The following CA10 variants were observed in gnomAD, a reference collection of about 807,000 sequenced individuals.
The protein encoded by CA10 is carbonic anhydrase 10 (inactive), also known as carbonic anhydrase-related protein 10.
Under a neutral mutation model 44.2 loss-of-function variants are expected in CA10, and 14 were observed. The ratio of observed to expected loss-of-function variants is 0.32; its 90% confidence interval spans 0.21 to 0.50. The LOEUF (loss-of-function observed/expected upper bound fraction) is 0.50, where lower values mean the gene tolerates loss of function less well. CA10 is among the 20% of genes least tolerant of loss of function. The pLI, the probability that CA10 is intolerant of heterozygous loss-of-function variation, is 0.99. For synonymous variants in CA10, 159 were observed against 141.6 expected (o/e 1.12, Z -0.87); for missense variants, 350 against 409.7 (o/e 0.85, Z 1.26).
In CA10 at chr17:51,655,059, C is replaced by T. The variant is rs1234628600; in HGVS notation, c.466-1323G>A. ...TAATAAATTCCCTAGTCCACAGTAACTGTTAAAAAAACAGAAAGGGATGAT... is the reference window on the plus strand; with the variant it reads ...TAATAAATTCCCTAGTCCACAGTAATTGTTAAAAAAACAGAAAGGGATGAT... On this transcript the variant is annotated intron_variant, in intron 4 of 8. Transcript: ENST00000451037. Among the ~76,000 whole-genome samples, 5 of 151,992 alleles carry T rather than the reference C, an allele frequency of 3.3e-5. No individual in the cohort carries two copies. In the South Asian group the frequency reaches 6.2e-4, roughly 19 times the overall value.
At chr17:51,975,408 G>C (rs1230710981) in intron 2 of CA10, among the ~76,000 whole-genome samples, 1 of 152,212 alleles carries the variant, frequency 6.6e-6, no homozygotes, top group African/African-American at 2.4e-5. Flanking sequence ...GCTGGGCGAA[G>C]TGACTCACGC....
intron 1 of CA10, among the ~76,000 whole-genome samples, chr17:52,150,213 T>A (rs1001354381): frequency 6.6e-6 from 1 of 152,146 alleles, no homozygotes; most frequent in Non-Finnish European, 1.5e-5. Flanking sequence ...CCACGACAAC[T>A]CTTTAACATC....
intron 3 of CA10, among the ~76,000 whole-genome samples, chr17:51,802,917 G>A (rs982240389): frequency 2.6e-5 from 4 of 152,176 alleles, no homozygotes; most frequent in Non-Finnish European, 5.9e-5. Context: ...TTTCCCAGAA[G>A]TAATAAAACA....
chr17:52,137,419 A>G (rs1220973644), intron 1 of CA10, among the ~76,000 whole-genome samples: 2 of 152,260 alleles, frequency 1.3e-5, no homozygotes, highest in African/African-American at 4.8e-5. Flanking sequence ...TATTCATTTC[A>G]GCATAATGCT....
intron 3 of CA10, among the ~76,000 whole-genome samples, chr17:51,793,944 G>A (rs868633256): frequency 3.3e-5 from 5 of 152,180 alleles, no homozygotes; most frequent in Middle Eastern, 3.2e-3. Context: ...GCTTTTCAGA[G>A]TCCTTTTCTC....
intron 2 of CA10, among the ~76,000 whole-genome samples, chr17:51,936,796 G>A (rs1273116237): frequency 3.3e-5 from 5 of 152,126 alleles, no homozygotes; most frequent in South Asian, 2.1e-4. Context: ...GAGCAAGCTC[G>A]ACTATCCTTG....
At chr17:51,633,378 C>G in intron 8 of CA10, 98 bp downstream of exon 8, 1 of 1,159,928 alleles carries the variant, frequency 8.6e-7, no homozygotes, top group East Asian at 2.4e-5. Context: ...AGTCATCATT[C>G]CTATAATGGA....
intron 2 of CA10, among the ~76,000 whole-genome samples, chr17:52,021,347 A>C (rs534116713): frequency 1.4e-4 from 22 of 152,196 alleles, no homozygotes; most frequent in African/African-American, 5.3e-4. Context: ...TGCTTGGTTG[A>C]ATAGTAGTTC....
chr17:51,851,358 CACAA>C (rs1410711050), intron 3 of CA10, among the ~76,000 whole-genome samples: 1 of 152,178 alleles, frequency 6.6e-6, no homozygotes, highest in East Asian at 1.9e-4. Context: ...AGAAAGAAGG[CACAA>C]ACAGAGCCAG....
chr17:51,800,300 A>G (rs985863243), intron 3 of CA10, among the ~76,000 whole-genome samples: 1 of 152,226 alleles, frequency 6.6e-6, no homozygotes, highest in African/African-American at 2.4e-5. Context: ...TAGGCAATCT[A>G]TAGAGCTAGA....
intron 4 of CA10, among the ~76,000 whole-genome samples, chr17:51,667,479 AG>A (rs1403053191): frequency 1.3e-5 from 2 of 151,784 alleles, no homozygotes; most frequent in East Asian, 3.9e-4. Flanking sequence ...GCCCAGATGG[AG>A]GGCTGTGGCT....
rs371573511 is a variant in CA10 at position 51,665,063 on chromosome 17, G to A, written c.466-11327C>T. ...AGAAGAGTCACTTTAGGTGGCTACT[G>A]TCCTAACTGATATATTCATGGAAAA... is the stretch of plus-strand genomic sequence containing the variant. On this transcript the variant is annotated intron_variant, in intron 4 of 8. Transcript: ENST00000451037. 2.2e-4 allele frequency among the ~76,000 whole-genome samples: 34 copies of A among 152,258 alleles called. No individual in the cohort carries two copies. In the South Asian group the frequency reaches 6.9e-3, roughly 31 times the overall value.
chr17:51,993,018 T>C (rs1985098411), intron 2 of CA10, among the ~76,000 whole-genome samples: 1 of 152,152 alleles, frequency 6.6e-6, no homozygotes, highest in Admixed American at 6.6e-5. Context: ...GTTTCCCCCA[T>C]ACACTAATTA....
intron 4 of CA10, among the ~76,000 whole-genome samples, chr17:51,711,125 A>C (rs1052777888): frequency 5.9e-5 from 9 of 152,142 alleles, no homozygotes; most frequent in South Asian, 2.1e-4. Flanking sequence ...GATTTTTAAA[A>C]AACAGATAAT....
chr17:51,734,575 C>A (rs1458187810), intron 4 of CA10, among the ~76,000 whole-genome samples: 1 of 152,160 alleles, frequency 6.6e-6, no homozygotes, highest in African/African-American at 2.4e-5. Flanking sequence ...CAGGGCTTTG[C>A]TTCAAACTCA....
At chr17:51,844,731 G>A (rs1013104619) in intron 3 of CA10, among the ~76,000 whole-genome samples, 1 of 152,166 alleles carries the variant, frequency 6.6e-6, no homozygotes. Context: ...AAGAGGCAGA[G>A]CCTAATTCCC....
chr17:51,695,405 C>A (rs1286583007), intron 4 of CA10, among the ~76,000 whole-genome samples: 1 of 151,852 alleles, frequency 6.6e-6, no homozygotes, highest in Non-Finnish European at 1.5e-5. Flanking sequence ...AGATGTATTA[C>A]TATATATGTG....
intron 3 of CA10, among the ~76,000 whole-genome samples, chr17:51,878,893 G>GGTGTGTGTGTGT (rs375444434): frequency 5.2e-4 from 27 of 52,356 alleles, no homozygotes; most frequent in Non-Finnish European, 8.3e-4. Context: ...TATATATATG[G>GGTGTGTGTGTGT]GTGTGTGTGT....
At chr17:51,723,701 A>G (rs1035436070) in intron 4 of CA10, among the ~76,000 whole-genome samples, 6 of 152,246 alleles carry the variant, frequency 3.9e-5, no homozygotes, top group Non-Finnish European at 7.3e-5. Flanking sequence ...TTCAGATAGC[A>G]TGCTTGCTGA....
Sources: gnomAD v4.1 joint callset for allele counts (sites outside exome capture counted in the v4.1 genomes callset) on GRCh38, gnomAD v4.1.1 for gene constraint, MANE v1.5 for transcripts, NCBI Gene and HGNC (gene_info 2026-07-23, HGNC 2026-07-21) for gene names.